TXN2: variants seen among roughly 807,000 people sequenced by gnomAD.
TXN2 encodes the protein thioredoxin 2.
TXN2 carries 12 observed loss-of-function variants against 14.6 expected under a neutral mutation model. That is an observed-to-expected ratio of 0.82 (90% confidence interval 0.53 to 1.33). The LOEUF (loss-of-function observed/expected upper bound fraction) is 1.33. Among genes scored for constraint, TXN2 ranks in the 40% most tolerant of loss-of-function variants. TXN2 has a pLI of 0.00. For synonymous variants in TXN2, 89 were observed against 81.0 expected (o/e 1.10, Z -0.53); for missense variants, 173 against 207.7 (o/e 0.83, Z 1.03).
chr22:36,471,160 C>T (rs938099981), intron 3 of TXN2, among the ~76,000 whole-genome samples: 1 of 152,106 alleles, frequency 6.6e-6, no homozygotes, highest in Non-Finnish European at 1.5e-5. Flanking sequence ...GGCCTTGGCA[C>T]ATTCTTCTGG....
At chr22:36,476,482 C>T (rs1035009090) in intron 3 of TXN2, among the ~76,000 whole-genome samples, 4 of 152,022 alleles carry the variant, frequency 2.6e-5, no homozygotes, top group African/African-American at 9.7e-5. Flanking sequence ...GTCCCAGCTA[C>T]TTGGGAGGCT....
intron 3 of TXN2, among the ~76,000 whole-genome samples, chr22:36,471,204 C>A (rs373372491): frequency 1.3e-5 from 2 of 152,152 alleles, no homozygotes; most frequent in Admixed American, 6.6e-5. Flanking sequence ...AGTGACTGAG[C>A]CAACTGAGGG....
intron 2 of TXN2, among the ~76,000 whole-genome samples, chr22:36,477,708 TTTTACCAAACA>T (rs1487441153): frequency 1.3e-5 from 2 of 152,134 alleles, no homozygotes; most frequent in Admixed American, 1.3e-4. Flanking sequence ...CTTTCTCTGC[TTTTACCAAACA>T]CACCCCTCAA....
rs1445443554 is a variant in TXN2, at chr22:36,467,093, C to G, written c.*711G>C. 6.5e-6 allele frequency: 1 copy of G among 153,330 alleles called. No homozygotes were observed. Among genetic ancestry groups the G allele is most frequent in the East Asian group, 1.9e-4 (1 of 5,202 alleles). 9.5% of individuals were successfully genotyped at this position (153,330 alleles called of 1,614,324 possible). ...TTTGTCTGACTTGTTCACAGTTCAG[C>G]CCCCTGCTCAGAAAACCAACGGGCC... On this transcript the variant is annotated 3_prime_UTR_variant, in exon 4 of 4. Transcript: ENST00000216185.
At chr22:36,471,678 T>A (rs1933278173) in intron 3 of TXN2, among the ~76,000 whole-genome samples, 1 of 152,078 alleles carries the variant, frequency 6.6e-6, no homozygotes, top group African/African-American at 2.4e-5. Context: ...TCCAAAATGA[T>A]GTGGTGTAGG....
At chr22:36,472,770 A>G (rs1933308888) in intron 3 of TXN2, among the ~76,000 whole-genome samples, 1 of 152,150 alleles carries the variant, frequency 6.6e-6, no homozygotes, top group African/African-American at 2.4e-5. Flanking sequence ...GACACATGCC[A>G]TTATACATTT....
chr22:36,467,727 AGGAAGGGCTGGCAT>A lies in TXN2; in HGVS notation c.*63_*76del. The A allele has an allele frequency of 5.6e-6, 7 of 1,256,188 alleles. No individual in the cohort carries two copies. The highest frequency in any genetic ancestry group is 8.1e-6 in the Non-Finnish European group (7 of 858,928). The allele number at this position is 1,256,188 out of a possible 1,614,324, so 77.8% of individuals were successfully genotyped here. Reference sequence around the variant, plus strand: ...AGGAGCCAGACAGGAGGGAGGCAGCAGGAAGGGCTGGCATGGAAGGGCTGAGTTCTATTGGGGTC... The same window carrying A: ...AGGAGCCAGACAGGAGGGAGGCAGCAGGAAGGGCTGAGTTCTATTGGGGTC... On this transcript the variant is annotated 3_prime_UTR_variant, in exon 4 of 4. Coordinates refer to ENST00000216185, the MANE Select transcript of TXN2 (RefSeq NM_012473.4).
intron 2 of TXN2, among the ~76,000 whole-genome samples, chr22:36,479,945 C>T (rs887797397): frequency 1.3e-4 from 19 of 150,590 alleles, no homozygotes; most frequent in South Asian, 2.1e-4. Flanking sequence ...TGTAATGGCG[C>T]GATCTTCAGC....
At chr22:36,469,185 G>A (rs1016546700) in intron 3 of TXN2, among the ~76,000 whole-genome samples, 2 of 152,266 alleles carry the variant, frequency 1.3e-5, no homozygotes, top group African/African-American at 4.8e-5. Flanking sequence ...ATGCAGGATG[G>A]AGATACTAAG....
intron 3 of TXN2, among the ~76,000 whole-genome samples, chr22:36,470,767 C>A (rs1203995471): frequency 6.8e-6 from 1 of 147,850 alleles, no homozygotes; most frequent in Non-Finnish European, 1.5e-5. Flanking sequence ...AAGACGTCGT[C>A]TCCATAAAAA....
chr22:36,481,294 C>T (rs1933496548), intron 1 of TXN2: 1 of 154,610 alleles, frequency 6.5e-6, no homozygotes, highest in Admixed American at 6.5e-5. Context: ...AACACTGGAA[C>T]CCAGGGTCGT....
intron 3 of TXN2, among the ~76,000 whole-genome samples, chr22:36,472,659 C>A (rs1262753550): frequency 6.6e-6 from 1 of 151,856 alleles, no homozygotes; most frequent in East Asian, 1.9e-4. Context: ...TCAGTGACTG[C>A]TGGGGGGTTA....
chr22:36,480,700 G>C lies in TXN2; in HGVS notation c.138C>G (p.Pro46=). ...TGGTGTATATTGTCCGGGCTGGGTT[G>C]GGTGTTACAGTCAGGCCACCAGGAC... ...QCSPGGLTVT[P]NPARTIYTTR... is the part of the protein sequence containing the mutation. Residue 46 remains proline (P), a synonymous_variant, in exon 2 of 4, where the codon CCC becomes CCG. Coordinates refer to ENST00000216185, the MANE Select transcript of TXN2 (RefSeq NM_012473.4). 6.2e-7 allele frequency: 1 copy of C among 1,614,118 alleles called. No homozygotes were observed. The highest frequency in any genetic ancestry group is 8.5e-7 in the Non-Finnish European group (1 of 1,180,032).
intron 2 of TXN2, among the ~76,000 whole-genome samples, chr22:36,478,132 C>CAAAAAAA (rs778032940): frequency 1.5e-5 from 1 of 67,682 alleles, no homozygotes; most frequent in Non-Finnish European, 2.9e-5. Flanking sequence ...GACTCTGTCT[C>CAAAAAAA]AAAAAAAAAA....
rs8140503 is a variant in TXN2 at position 36,472,822 on chromosome 22, C to T, written c.387+3911G>A. ...ACTGGCAAGCAGTCTGTGCTGAGAG[C>T]GGCAGCTGAGACACGGCCTTCCAAA... On this transcript the variant is annotated intron_variant, in intron 3 of 3. Coordinates refer to ENST00000216185, the MANE Select transcript of TXN2 (RefSeq NM_012473.4). Among the ~76,000 whole-genome samples the T allele has an allele frequency of 3.2e-3, 490 of 152,204 alleles. 3 individuals carry two copies. Among genetic ancestry groups the T allele is most frequent in the African/African-American group, 0.011 (467 of 41,528 alleles).
intron 3 of TXN2, among the ~76,000 whole-genome samples, chr22:36,471,774 G>A (rs1369120826): frequency 1.7e-4 from 26 of 152,074 alleles, no homozygotes; most frequent in Admixed American, 1.4e-3. Context: ...TTCGAGACAA[G>A]GCCGGCCAAT....
chr22:36,478,283 T>A (rs1385665777), intron 2 of TXN2, among the ~76,000 whole-genome samples: 2 of 152,150 alleles, frequency 1.3e-5, no homozygotes, highest in Admixed American at 6.6e-5. Context: ...CCTGGTGCTG[T>A]CATCTCTATG....
intron 2 of TXN2, among the ~76,000 whole-genome samples, chr22:36,480,198 T>C (rs905827419): frequency 1.3e-5 from 2 of 152,210 alleles, no homozygotes; most frequent in Admixed American, 1.3e-4. Context: ...TGATAACTTT[T>C]TGCCAGCCCT....
intron 2 of TXN2, among the ~76,000 whole-genome samples, chr22:36,479,522 G>A (rs1933455716): frequency 6.6e-6 from 1 of 152,002 alleles, no homozygotes; most frequent in Non-Finnish European, 1.5e-5. Flanking sequence ...GGTAGAGATG[G>A]GGTTTCACTA....
Sources: allele counts gnomAD v4.1 joint callset (sites outside exome capture counted in the v4.1 genomes callset), GRCh38; gene constraint gnomAD v4.1.1; transcripts MANE v1.5; gene names NCBI Gene and HGNC (gene_info 2026-07-23, HGNC 2026-07-21).